The following PRDM11 variants were observed in gnomAD, a reference collection of about 807,000 sequenced individuals.
PRDM11 encodes PR/SET domain 11.
A neutral mutation model predicts 97.8 loss-of-function variants in PRDM11; 20 were observed. The ratio of observed to expected loss-of-function variants is 0.20; its 90% CI spans 0.14 to 0.30. The LOEUF (loss-of-function observed/expected upper bound fraction) is 0.30, where lower values mean the gene tolerates loss of function less well. PRDM11 is among the 10% of genes least tolerant of loss of function. The pLI, the probability that PRDM11 is intolerant of heterozygous loss-of-function variation, is 1.00. For missense variants in PRDM11, 1,139 were observed against 1,555.2 expected (o/e 0.73, Z 4.50); for synonymous variants, 599 against 637.7 (o/e 0.94, Z 0.91).
At chr11:45,114,500 T>A (rs1353832271) in intron 1 of PRDM11, among the ~76,000 whole-genome samples, 1 of 152,020 alleles carries the variant, frequency 6.6e-6, no homozygotes, top group East Asian at 1.9e-4. Context: ...GGAGAGAAAA[T>A]TGATACCAGA....
At chr11:45,184,060 G>A (rs1852615128) in intron 4 of PRDM11, among the ~76,000 whole-genome samples, 1 of 152,272 alleles carries the variant, frequency 6.6e-6, no homozygotes, top group Admixed American at 6.5e-5. Flanking sequence ...GTAGAGGTCA[G>A]AGAAGCCTTC....
At chr11:45,139,235 T>C (rs1852943435) in intron 1 of PRDM11, among the ~76,000 whole-genome samples, 3 of 152,282 alleles carry the variant, frequency 2.0e-5, no homozygotes, top group South Asian at 4.1e-4. Flanking sequence ...GACACAGGCA[T>C]GAACACTTTG....
At chr11:45,199,771 C>T (rs1482812150) in intron 4 of PRDM11, among the ~76,000 whole-genome samples, 1 of 152,316 alleles carries the variant, frequency 6.6e-6, no homozygotes, top group East Asian at 1.9e-4. Context: ...CTCAGGATGG[C>T]CTGGGCTCAT....
At chr11:45,122,386 CCATGTATA>C (rs1018211906) in intron 1 of PRDM11, among the ~76,000 whole-genome samples, 3 of 151,620 alleles carry the variant, frequency 2.0e-5, no homozygotes, top group East Asian at 2.0e-4. Flanking sequence ...CACATGTATA[CCATGTATA>C]CATGTATACA....
At chr11:45,166,289 G>A (rs1852063007) in intron 1 of PRDM11, among the ~76,000 whole-genome samples, 1 of 152,186 alleles carries the variant, frequency 6.6e-6, no homozygotes, top group African/African-American at 2.4e-5. Context: ...GTGGTTGGCT[G>A]TGCCCCTGCC....
Position 45,168,233 on chromosome 11 carries a change from C to A in PRDM11, c.-6-13528C>A, listed in dbSNP as rs61880309. Among the ~76,000 whole-genome samples the A allele has an allele frequency of 8.5e-3, 1,289 of 152,264 alleles. 11 individuals carry two copies. The highest frequency in any genetic ancestry group is 0.013 in the Non-Finnish European group (881 of 67,992). On this transcript the variant is annotated intron_variant, in intron 1 of 7. Transcript: ENST00000683152. ...GGTTGATGGGGGCAGGAGCTGTGGG[C>A]CGTGGTCAGGTTCCCTGGACTCCTT... is the stretch of plus-strand genomic sequence containing the variant.
upstream of PRDM11, among the ~76,000 whole-genome samples, chr11:45,144,993 C>G (rs1235218143): frequency 6.6e-6 from 1 of 152,134 alleles, no homozygotes; most frequent in East Asian, 1.9e-4. Context: ...CCCCCAACCC[C>G]CGTCCCCCAG....
chr11:45,166,312 G>T (rs182197325), intron 1 of PRDM11, among the ~76,000 whole-genome samples: 2 of 152,274 alleles, frequency 1.3e-5, no homozygotes, highest in African/African-American at 4.8e-5. Flanking sequence ...CAGCAGATTC[G>T]CCCTTCTATC....
intron 5 of PRDM11, chr11:45,216,094 G>T (rs963711653): frequency 6.6e-6 from 1 of 152,656 alleles, no homozygotes; most frequent in Non-Finnish European, 1.5e-5. Flanking sequence ...TCAGCTGGGA[G>T]GTTGGAATAA....
At chr11:45,194,086 A>C (rs1853012319) in intron 4 of PRDM11, among the ~76,000 whole-genome samples, 1 of 152,222 alleles carries the variant, frequency 6.6e-6, no homozygotes, top group African/African-American at 2.4e-5. Context: ...GCTGCCTGTT[A>C]AACAGTCTAG....
chr11:45,180,788 C>T (rs1852462670), intron 1 of PRDM11, among the ~76,000 whole-genome samples: 2 of 150,776 alleles, frequency 1.3e-5, no homozygotes, highest in Admixed American at 1.3e-4. Flanking sequence ...CAGCCTACAC[C>T]GGCCCGAGAC....
intron 6 of PRDM11, among the ~76,000 whole-genome samples, chr11:45,220,310 G>A (rs1854084131): frequency 6.6e-6 from 1 of 152,178 alleles, no homozygotes; most frequent in Non-Finnish European, 1.5e-5. Flanking sequence ...TCCATAGCCT[G>A]TGAGCAGATT....
intron 4 of PRDM11, among the ~76,000 whole-genome samples, chr11:45,199,115 C>T (rs1195998574): frequency 6.6e-6 from 1 of 152,198 alleles, no homozygotes; most frequent in East Asian, 1.9e-4. Flanking sequence ...TGTGGATCCA[C>T]CTGGACCATG....
At position 45,228,040 on chromosome 11, in the gene PRDM11, G is replaced by C. The variant is rs765087037; in HGVS notation, c.3415G>C (p.Glu1139Gln). Residue 1139 changes from glutamate (E) to glutamine (Q), a missense_variant, in exon 8 of 8, where the codon GAG becomes CAG. Glu to Gln is a conservative substitution (Grantham distance 29). This residue lies in a region of PRDM11 where 710 missense variants were observed against 1,044.9 expected (regional missense o/e 0.68). Coordinates refer to ENST00000683152, the MANE Select transcript of PRDM11 (RefSeq NM_001384648.1). The stretch of plus-strand genomic sequence containing the variant: ...GCGAGCCCTGGACAGCTGGTTTGAG[G>C]AGAAGTCTGGGAACAGTTACGCGCT... ...AKRALDSWFEEKSGNSYALSA... is the reference protein window; with the variant it reads ...AKRALDSWFEQKSGNSYALSA... 1 of 1,533,624 alleles carries C rather than the reference G, an allele frequency of 6.5e-7. No homozygotes were observed. The highest frequency in any genetic ancestry group is 2.4e-5 in the East Asian group (1 of 40,906).
At chr11:45,173,404 C>T (rs1347428378) in intron 1 of PRDM11, among the ~76,000 whole-genome samples, 1 of 151,972 alleles carries the variant, frequency 6.6e-6, no homozygotes, top group Non-Finnish European at 1.5e-5. Flanking sequence ...GGTGAATCAC[C>T]TGAGGTCAGG....
chr11:45,207,525 C>T (rs1028469173), intron 5 of PRDM11, among the ~76,000 whole-genome samples: 2 of 152,172 alleles, frequency 1.3e-5, no homozygotes, highest in African/African-American at 4.8e-5. Context: ...ACACAGGACA[C>T]CCCTTCCCCC....
chr11:45,156,001 A>G (rs1328338922), intron 1 of PRDM11, among the ~76,000 whole-genome samples: 2 of 152,202 alleles, frequency 1.3e-5, no homozygotes, highest in East Asian at 3.9e-4. Flanking sequence ...ACCTAAGGTC[A>G]CACAGCTATG....
At chr11:45,156,025 G>C (rs1353867612) in intron 1 of PRDM11, among the ~76,000 whole-genome samples, 1 of 152,216 alleles carries the variant, frequency 6.6e-6, no homozygotes, top group African/African-American at 2.4e-5. Context: ...GGCTGAGCCA[G>C]GATATGAACC....
At chr11:45,116,240 C>A (rs188708249) in intron 1 of PRDM11, among the ~76,000 whole-genome samples, 1 of 152,070 alleles carries the variant, frequency 6.6e-6, no homozygotes, top group Non-Finnish European at 1.5e-5. Context: ...AACTAACTGA[C>A]CAGAAATCAG....
Sources: gnomAD v4.1 joint callset for allele counts (sites outside exome capture counted in the v4.1 genomes callset) on GRCh38, gnomAD v4.1.1 for gene constraint, gnomAD v4.1.1 regional missense constraint, MANE v1.5 for transcripts, NCBI Gene and HGNC (gene_info 2026-07-23, HGNC 2026-07-21) for gene names.